DPP10: variants seen among roughly 807,000 people sequenced by gnomAD.
DPP10 encodes the protein dipeptidyl peptidase like 10, also known as inactive dipeptidyl peptidase 10.
DPP10 carries 33 observed loss-of-function variants against 120.9 expected under a neutral mutation model. That is an observed-to-expected ratio of 0.27 (90% CI 0.21 to 0.37). DPP10 has a LOEUF of 0.37. DPP10 is among the 10% of genes least tolerant of loss of function. DPP10 has a pLI of 1.00. For missense variants in DPP10, 816 were observed against 942.8 expected (o/e 0.87, Z 1.76); for synonymous variants, 337 against 326.1 (o/e 1.03, Z -0.36).
chr2:114,448,385 T>A (rs1410984250), intron 1 of DPP10, among the ~76,000 whole-genome samples: 3 of 152,222 alleles, frequency 2.0e-5, no homozygotes, highest in Admixed American at 1.3e-4. Flanking sequence ...ACATTCTTGA[T>A]GGTAAATTTG....
At chr2:115,505,237 A>T (rs985126739) in intron 4 of DPP10, among the ~76,000 whole-genome samples, 2 of 151,920 alleles carry the variant, frequency 1.3e-5, no homozygotes, top group African/African-American at 4.8e-5. Flanking sequence ...AAATAAAATT[A>T]TCTGAGTAAT....
At chr2:114,878,170 CAA>C (rs1224891526) in intron 1 of DPP10, among the ~76,000 whole-genome samples, 1 of 151,952 alleles carries the variant, frequency 6.6e-6, no homozygotes, top group East Asian at 1.9e-4. Flanking sequence ...AAACATTTGC[CAA>C]GTGTGAAAAA....
chr2:115,668,882 G>A (rs2089661055), intron 5 of DPP10, among the ~76,000 whole-genome samples: 1 of 152,136 alleles, frequency 6.6e-6, no homozygotes, highest in Non-Finnish European at 1.5e-5. Context: ...AGGAAAGTAT[G>A]TCATGAGTTT....
At chr2:114,912,552 A>G (rs536020824) in intron 1 of DPP10, among the ~76,000 whole-genome samples, 1 of 152,280 alleles carries the variant, frequency 6.6e-6, no homozygotes, top group South Asian at 2.1e-4. Flanking sequence ...CCACCAAGAG[A>G]AACAAGACCA....
At chr2:114,648,133 T>C (rs375923862) in intron 1 of DPP10, among the ~76,000 whole-genome samples, 1 of 152,176 alleles carries the variant, frequency 6.6e-6, no homozygotes, top group Non-Finnish European at 1.5e-5. Context: ...CTGTGAGTTG[T>C]ATCACCCTGA....
At chr2:114,888,078 G>A (rs1692218028) in intron 1 of DPP10, among the ~76,000 whole-genome samples, 1 of 151,102 alleles carries the variant, frequency 6.6e-6, no homozygotes, top group Admixed American at 6.6e-5. Context: ...GGGAGGTGGA[G>A]CTTGCAGTGA....
chr2:114,861,352 T>C (rs944933153), intron 1 of DPP10, among the ~76,000 whole-genome samples: 4 of 151,730 alleles, frequency 2.6e-5, no homozygotes, highest in African/African-American at 4.8e-5. Flanking sequence ...TCGAGTACCA[T>C]GGCTCAGCAG....
At chr2:115,060,040 AT>A (rs1706272123) in intron 1 of DPP10, among the ~76,000 whole-genome samples, 1 of 152,032 alleles carries the variant, frequency 6.6e-6, no homozygotes, top group African/African-American at 2.4e-5. Context: ...TTTACTAACA[AT>A]TATTTAAAGC....
chr2:114,851,960 A>G (rs578160947), intron 1 of DPP10, among the ~76,000 whole-genome samples: 66 of 151,956 alleles, frequency 4.3e-4, no homozygotes, highest in African/African-American at 1.3e-3. Context: ...ACTTCCTTTC[A>G]TAAACACTGC....
chr2:115,399,257 AACAC>A (rs1165572974), intron 3 of DPP10, among the ~76,000 whole-genome samples: 4 of 152,310 alleles, frequency 2.6e-5, no homozygotes, highest in East Asian at 1.9e-4. Flanking sequence ...GATTTTAAAT[AACAC>A]ACACAAAAGA....
chr2:114,924,996 G>C (rs1668806461), intron 1 of DPP10, among the ~76,000 whole-genome samples: 1 of 152,118 alleles, frequency 6.6e-6, no homozygotes, highest in Non-Finnish European at 1.5e-5. Context: ...CTAATCACGA[G>C]GTCAGGAGTT....
chr2:115,521,502 A>G (rs1293505345), intron 4 of DPP10, among the ~76,000 whole-genome samples: 1 of 152,164 alleles, frequency 6.6e-6, no homozygotes, highest in Non-Finnish European at 1.5e-5. Context: ...TATTTTCTCC[A>G]GTGAGAATGT....
chr2:114,996,898 C>G (rs1040068396), intron 1 of DPP10, among the ~76,000 whole-genome samples: 1 of 147,306 alleles, frequency 6.8e-6, no homozygotes, highest in African/African-American at 2.5e-5. Context: ...AGGAGAATTG[C>G]TTGAACCCGG....
At chr2:115,386,557 A>G (rs1237789151) in intron 3 of DPP10, among the ~76,000 whole-genome samples, 1 of 152,150 alleles carries the variant, frequency 6.6e-6, no homozygotes, top group Non-Finnish European at 1.5e-5. Flanking sequence ...ATGTAAGGAA[A>G]CTAACCATAG....
chr2:114,613,009 C>A (rs1319626049), intron 1 of DPP10, among the ~76,000 whole-genome samples: 1 of 152,094 alleles, frequency 6.6e-6, no homozygotes, highest in African/African-American at 2.4e-5. Context: ...ACCCAAATAT[C>A]TAATCACTAA....
At chr2:115,507,732 G>A (rs936500255) in intron 4 of DPP10, among the ~76,000 whole-genome samples, 2 of 152,082 alleles carry the variant, frequency 1.3e-5, no homozygotes, top group African/African-American at 4.8e-5. Context: ...GAAAGAAAGT[G>A]GCAATACCTA....
At chr2:115,390,984 G>C (rs17355902) in intron 3 of DPP10, among the ~76,000 whole-genome samples, 1 of 152,062 alleles carries the variant, frequency 6.6e-6, no homozygotes, top group Non-Finnish European at 1.5e-5. Flanking sequence ...GACTGACAGA[G>C]ATCCTAGTAT....
intron 1 of DPP10, among the ~76,000 whole-genome samples, chr2:114,878,039 G>A (rs1356217041): frequency 2.0e-5 from 3 of 151,942 alleles, no homozygotes; most frequent in Admixed American, 6.6e-5. Context: ...AATTAAAATG[G>A]AAATGACATT....
chr2:114,582,940 G>C (rs1425065528), intron 1 of DPP10, among the ~76,000 whole-genome samples: 1 of 152,140 alleles, frequency 6.6e-6, no homozygotes, highest in Middle Eastern at 3.2e-3. Flanking sequence ...TATCACTGGA[G>C]GGATGGTGAT....
Sources: gnomAD v4.1 joint callset for allele counts (sites outside exome capture counted in the v4.1 genomes callset) on GRCh38, gnomAD v4.1.1 for gene constraint, MANE v1.5 for transcripts, NCBI Gene and HGNC (gene_info 2026-07-23, HGNC 2026-07-21) for gene names.